The following TRPM3 variants were observed in gnomAD, a reference collection of about 807,000 sequenced individuals.
TRPM3 encodes the protein transient receptor potential cation channel subfamily M member 3.
TRPM3 carries 77 observed loss-of-function variants against 181.2 expected under a neutral mutation model. The ratio of observed to expected loss-of-function variants is 0.42; its 90% confidence interval spans 0.35 to 0.51. The LOEUF (loss-of-function observed/expected upper bound fraction) is 0.51, where lower values mean the gene tolerates loss of function less well. Among genes scored for constraint, TRPM3 ranks in the 20% least tolerant of loss-of-function variants. TRPM3 has a pLI of 0.01. For missense variants in TRPM3, 1,759 were observed against 2,196.7 expected (o/e 0.80, Z 3.98); for synonymous variants, 745 against 796.4 (o/e 0.94, Z 1.09).
chr9:71,077,357 T>C (rs1820502297), intron 1 of TRPM3, among the ~76,000 whole-genome samples: 1 of 152,190 alleles, frequency 6.6e-6, no homozygotes, highest in Non-Finnish European at 1.5e-5. Context: ...CAAACGTTAT[T>C]ACCTGTTGGC....
At chr9:71,093,679 C>T (rs1316079784) in intron 1 of TRPM3, among the ~76,000 whole-genome samples, 1 of 152,082 alleles carries the variant, frequency 6.6e-6, no homozygotes, top group African/African-American at 2.4e-5. Context: ...GACAGTGTGG[C>T]GATTCCTCGA....
chr9:70,842,045 T>A (rs2094703498), intron 5 of TRPM3, among the ~76,000 whole-genome samples: 1 of 151,994 alleles, frequency 6.6e-6, no homozygotes, highest in South Asian at 2.1e-4. Flanking sequence ...ACATAAGACA[T>A]CTGCATCTGT....
At chr9:70,685,989 C>CTAATCA (rs2066648297) in intron 8 of TRPM3, among the ~76,000 whole-genome samples, 1 of 149,986 alleles carries the variant, frequency 6.7e-6, no homozygotes, top group African/African-American at 2.5e-5. Context: ...TATAAATTAC[C>CTAATCA]TAATCATATA....
intron 1 of TRPM3, among the ~76,000 whole-genome samples, chr9:71,082,260 G>C (rs1176403146): frequency 6.6e-6 from 1 of 152,186 alleles, no homozygotes; most frequent in East Asian, 1.9e-4. Flanking sequence ...TGATTATGTA[G>C]TGGTCATTGC....
At chr9:71,111,413 G>GC (rs1565219839) in intron 1 of TRPM3, among the ~76,000 whole-genome samples, 1 of 151,994 alleles carries the variant, frequency 6.6e-6, no homozygotes, top group Non-Finnish European at 1.5e-5. Flanking sequence ...TTTTCCCCTC[G>GC]CCCCCAAAGG....
chr9:71,299,571 G>A (rs1488737094), intron 1 of TRPM3, among the ~76,000 whole-genome samples: 3 of 151,842 alleles, frequency 2.0e-5, no homozygotes, highest in Non-Finnish European at 4.4e-5. Flanking sequence ...GGGAAGGAAG[G>A]AGGGAAGAGA....
chr9:71,123,869 G>A (rs971679997), upstream of TRPM3, among the ~76,000 whole-genome samples: 24 of 152,130 alleles, frequency 1.6e-4, no homozygotes, highest in African/African-American at 5.3e-4. Context: ...AACTGCAATT[G>A]CCTACCCCCT....
At chr9:70,979,834 C>T (rs1014906530) in intron 1 of TRPM3, among the ~76,000 whole-genome samples, 13 of 152,096 alleles carry the variant, frequency 8.5e-5, no homozygotes, top group African/African-American at 1.2e-4. Flanking sequence ...TCTCCTTTGG[C>T]TTGCAGATGC....
intron 1 of TRPM3, among the ~76,000 whole-genome samples, chr9:71,281,546 G>T (rs1272549901): frequency 2.6e-5 from 4 of 152,128 alleles, no homozygotes; most frequent in African/African-American, 7.2e-5. Flanking sequence ...TTCTGCTGGT[G>T]GGAGTTTAGA....
intron 8 of TRPM3, among the ~76,000 whole-genome samples, chr9:70,687,476 T>A (rs1255684535): frequency 6.6e-6 from 1 of 152,214 alleles, no homozygotes; most frequent in Non-Finnish European, 1.5e-5. Flanking sequence ...GGGTAGTTGA[T>A]CTTATCAAAG....
At chr9:71,096,327 C>G (rs1315752984) in intron 1 of TRPM3, among the ~76,000 whole-genome samples, 1 of 149,520 alleles carries the variant, frequency 6.7e-6, no homozygotes, top group African/African-American at 2.5e-5. Flanking sequence ...GCTGAAACTA[C>G]CCTTCTAGGA....
chr9:70,739,622 C>T (rs1044902883), intron 8 of TRPM3, among the ~76,000 whole-genome samples: 2 of 151,820 alleles, frequency 1.3e-5, no homozygotes, highest in Admixed American at 1.3e-4. Flanking sequence ...GTCAAGGTCT[C>T]ACTCTGTTGC....
chr9:71,443,179 C>T (rs776491783), intron 1 of TRPM3, among the ~76,000 whole-genome samples: 10 of 152,048 alleles, frequency 6.6e-5, no homozygotes, highest in Non-Finnish European at 1.5e-4. Flanking sequence ...TAATTAAATA[C>T]CACTTTACCG....
chr9:71,199,989 T>C (rs2078671008), intron 1 of TRPM3, among the ~76,000 whole-genome samples: 1 of 152,264 alleles, frequency 6.6e-6, no homozygotes, highest in Non-Finnish European at 1.5e-5. Flanking sequence ...GGATGTTTCC[T>C]GCTTTCTATT....
intron 1 of TRPM3, among the ~76,000 whole-genome samples, chr9:71,390,119 C>A (rs2093027663): frequency 6.6e-6 from 1 of 151,868 alleles, no homozygotes; most frequent in Non-Finnish European, 1.5e-5. Flanking sequence ...GTTAGGTATG[C>A]AGAGATAGAT....
chr9:71,392,667 CTT>C (rs940158159), intron 1 of TRPM3, among the ~76,000 whole-genome samples: 3 of 152,084 alleles, frequency 2.0e-5, no homozygotes, highest in Admixed American at 2.0e-4. Flanking sequence ...TTTAGTAAAA[CTT>C]TGTCTCTCAA....
At chr9:71,372,248 G>A (rs2092539029) in intron 1 of TRPM3, among the ~76,000 whole-genome samples, 1 of 152,070 alleles carries the variant, frequency 6.6e-6, no homozygotes, top group Non-Finnish European at 1.5e-5. Flanking sequence ...TGGGCATTTA[G>A]GCTGATTCCA....
chr9:70,574,497 G>A (rs183561600), intron 22 of TRPM3, among the ~76,000 whole-genome samples: 7 of 152,056 alleles, frequency 4.6e-5, no homozygotes, highest in Non-Finnish European at 1.0e-4. Flanking sequence ...TCCCAAATAT[G>A]TCTCCTTGTT....
rs2040947203 is a variant in TRPM3 at position 70,532,013 on chromosome 9, C to T, written c.*3940G>A. On this transcript the variant is annotated 3_prime_UTR_variant, in exon 26 of 26. Transcript: ENST00000677713. ...TACAGATTTATAAATGATTATAAAG[C>T]TCTCCTGTAACGTTCATTAATACAA... 1 of 152,164 alleles carries T rather than the reference C, an allele frequency of 6.6e-6. No homozygotes were observed. Among genetic ancestry groups the T allele is most frequent in the Non-Finnish European group, 1.5e-5 (1 of 68,036 alleles). 9.4% of individuals were successfully genotyped at this position (152,164 alleles called of 1,614,324 possible).
Sources: allele counts gnomAD v4.1 joint callset (sites outside exome capture counted in the v4.1 genomes callset), GRCh38; gene constraint gnomAD v4.1.1; transcripts MANE v1.5; gene names NCBI Gene and HGNC (gene_info 2026-07-23, HGNC 2026-07-21).